Variants in SYNPO2 observed in about 807,000 individuals in gnomAD.
SYNPO2 encodes the protein synaptopodin-2.
In SYNPO2, 56 loss-of-function variants were observed where a neutral mutation model predicts 85.0. That is an observed-to-expected ratio of 0.66 (90% CI 0.53 to 0.82). The LOEUF (loss-of-function observed/expected upper bound fraction) is 0.82. Ranked by LOEUF, SYNPO2 falls within the 40% of genes least tolerant of loss-of-function variation. The probability of loss-of-function intolerance (pLI) is 0.00; values close to 1 mark genes in which losing one functional copy is unlikely to be tolerated. For synonymous variants in SYNPO2, 602 were observed against 591.1 expected, an observed-to-expected ratio of 1.02 and a Z score of -0.27; for missense variants, 1,575 against 1,534.2, an observed-to-expected ratio of 1.03 and a Z score of -0.44.
intron 1 of SYNPO2, among the ~76,000 whole-genome samples, chr4:118,980,357 C>G (rs1240416072): frequency 2.0e-5 from 3 of 152,146 alleles, no homozygotes; most frequent in African/African-American, 7.2e-5. Flanking sequence ...CAGAACCATC[C>G]CTTTTCTAGC....
chr4:118,850,769 T>A lies in SYNPO2; in HGVS notation c.-160T>A, dbSNP rs1464559411. ...GAAGTAAAGATCTGAATTCGGCAACTCGGAAGCGAAGCTCCAATCTTGAGG... is the reference window on the plus strand; with the variant it reads ...GAAGTAAAGATCTGAATTCGGCAACACGGAAGCGAAGCTCCAATCTTGAGG... On this transcript the variant is annotated 5_prime_UTR_variant, in exon 1 of 5. Coordinates refer to the SYNPO2 transcript ENST00000610556. 1.3e-5 allele frequency: 5 copies of A among 398,512 alleles called. No homozygotes were observed. The Admixed American group carries it at 2.2e-4, about 18-fold the overall frequency. The allele number at this position is 398,512 out of a possible 1,614,324, so 24.7% of individuals were successfully genotyped here. A position where few individuals can be genotyped will look rare whatever the true frequency, so the allele number is the denominator to read the frequency against.
At chr4:119,025,328 A>C (rs968485725) in intron 2 of SYNPO2, among the ~76,000 whole-genome samples, 2 of 152,238 alleles carry the variant, frequency 1.3e-5, no homozygotes, top group Non-Finnish European at 2.9e-5. Flanking sequence ...AATGTATTTA[A>C]CATTTTCTAC....
chr4:119,011,011 C>T (rs1439671367), intron 1 of SYNPO2, among the ~76,000 whole-genome samples: 1 of 152,226 alleles, frequency 6.6e-6, no homozygotes, highest in Non-Finnish European at 1.5e-5. Flanking sequence ...CATGCAGGCT[C>T]TCCTCAATCT....
chr4:118,945,767 G>A (rs1416181378), intron 1 of SYNPO2, among the ~76,000 whole-genome samples: 2 of 150,948 alleles, frequency 1.3e-5, no homozygotes, highest in Non-Finnish European at 2.9e-5. Flanking sequence ...TTTTTTTTGA[G>A]ATGGAGTCTT....
At chr4:118,908,780 T>A (rs1733031032) in intron 1 of SYNPO2, among the ~76,000 whole-genome samples, 1 of 152,190 alleles carries the variant, frequency 6.6e-6, no homozygotes. Flanking sequence ...ATAGGGTCCG[T>A]TTCAAGAGAA....
intron 1 of SYNPO2, among the ~76,000 whole-genome samples, chr4:118,889,698 A>T (rs536743951): frequency 1.1e-4 from 16 of 152,358 alleles, no homozygotes; most frequent in African/African-American, 3.6e-4. Context: ...TGACAAATAA[A>T]TGCAAAAATC....
chr4:118,921,390 T>G (rs948606632), intron 1 of SYNPO2, among the ~76,000 whole-genome samples: 1 of 152,182 alleles, frequency 6.6e-6, no homozygotes, highest in Non-Finnish European at 1.5e-5. Flanking sequence ...CAAACCCATC[T>G]TCGACACAAC....
At chr4:118,879,231 G>A (rs951150224) in intron 1 of SYNPO2, among the ~76,000 whole-genome samples, 1 of 152,174 alleles carries the variant, frequency 6.6e-6, no homozygotes, top group Non-Finnish European at 1.5e-5. Flanking sequence ...TGGCTTCATT[G>A]TTGAAGTCAG....
intron 1 of SYNPO2, among the ~76,000 whole-genome samples, chr4:118,904,632 C>T (rs1732873401): frequency 1.3e-5 from 2 of 152,230 alleles, no homozygotes; most frequent in African/African-American, 4.8e-5. Context: ...TTCCCTCCCC[C>T]ACCTCCACCC....
rs1739275163 is a variant in SYNPO2, at chr4:119,058,094, G to GTA, written c.*161_*162insAT. 1.7e-6 allele frequency: 1 copy of GTA among 589,760 alleles called. No individual in the cohort carries two copies. The highest frequency in any genetic ancestry group is 3.5e-5 in the Admixed American group (1 of 28,866). 36.5% of individuals were successfully genotyped at this position (589,760 alleles called of 1,614,324 possible). On this transcript the variant is annotated 3_prime_UTR_variant, in exon 5 of 5. Transcript: ENST00000307142. ...TGTGTTTCTGTGTGTGTGTGTGTGT[G>GTA]TGTATGTATGTGAATATACACACAC...
chr4:118,985,905 G>A (rs1263953224), intron 1 of SYNPO2, among the ~76,000 whole-genome samples: 1 of 152,204 alleles, frequency 6.6e-6, no homozygotes, highest in Non-Finnish European at 1.5e-5. Context: ...GAAGTTAAGA[G>A]GAGCAGGATA....
chr4:118,885,242 G>A (rs545354792), upstream of SYNPO2, among the ~76,000 whole-genome samples: 5 of 152,256 alleles, frequency 3.3e-5, no homozygotes, highest in Admixed American at 6.5e-5. Flanking sequence ...GACTTTATCC[G>A]GGAGCCCTTG....
intron 1 of SYNPO2, among the ~76,000 whole-genome samples, chr4:118,993,284 C>A (rs1234499973): frequency 6.6e-6 from 1 of 151,988 alleles, no homozygotes; most frequent in African/African-American, 2.4e-5. Flanking sequence ...TAGTGCCTTA[C>A]AAAGTGGAAA....
chr4:118,925,489 C>T (rs1208255382), intron 1 of SYNPO2, among the ~76,000 whole-genome samples: 1 of 152,054 alleles, frequency 6.6e-6, no homozygotes, highest in African/African-American at 2.4e-5. Flanking sequence ...GGCTGTCCAC[C>T]TTAGTACAAG....
At chr4:118,989,702 C>T (rs978102428) in intron 1 of SYNPO2, among the ~76,000 whole-genome samples, 1 of 152,176 alleles carries the variant, frequency 6.6e-6, no homozygotes, top group Non-Finnish European at 1.5e-5. Context: ...GTGAAGCAAA[C>T]ATAAGCCAAA....
chr4:118,933,209 T>C (rs1733987727), intron 1 of SYNPO2, among the ~76,000 whole-genome samples: 1 of 152,254 alleles, frequency 6.6e-6, no homozygotes. Context: ...AGTTGGACTA[T>C]ATCAAGTTCA....
intron 1 of SYNPO2, among the ~76,000 whole-genome samples, chr4:118,877,835 C>T (rs1731956699): frequency 6.6e-6 from 1 of 152,180 alleles, no homozygotes; most frequent in Non-Finnish European, 1.5e-5. Context: ...TACCATTCAG[C>T]TCAGCAATTC....
chr4:118,853,750 C>T (rs540631617), intron 1 of SYNPO2, among the ~76,000 whole-genome samples: 27 of 152,156 alleles, frequency 1.8e-4, no homozygotes, highest in African/African-American at 5.8e-4. Context: ...GGCATTGTAG[C>T]CAATTATGCC....
chr4:118,943,243 A>G (rs1734382639), intron 1 of SYNPO2, among the ~76,000 whole-genome samples: 1 of 152,236 alleles, frequency 6.6e-6, no homozygotes. Flanking sequence ...TTACAAGGTA[A>G]CTTGCTGATA....
Sources: allele counts gnomAD v4.1 joint callset (sites outside exome capture counted in the v4.1 genomes callset), GRCh38; gene constraint gnomAD v4.1.1; transcripts MANE v1.5; gene names NCBI Gene and HGNC (gene_info 2026-07-23, HGNC 2026-07-21).